The following SUGCT variants were observed in gnomAD, a reference collection of about 807,000 sequenced individuals.
The protein encoded by SUGCT is succinyl-CoA:glutarate-CoA transferase.
In SUGCT, 41 loss-of-function variants were observed where a neutral mutation model predicts 55.0. The observed-to-expected ratio is 0.74, with a 90% CI of 0.58 to 0.97. SUGCT has a LOEUF of 0.97. Ranked by LOEUF, SUGCT falls within the 50% of genes least tolerant of loss-of-function variation. The probability of loss-of-function intolerance (pLI) is 0.00; values close to 1 mark genes in which losing one functional copy is unlikely to be tolerated. For synonymous variants in SUGCT, 187 were observed against 200.4 expected (o/e 0.93, Z 0.56); for missense variants, 568 against 547.8 (o/e 1.04, Z -0.37).
intron 9 of SUGCT, among the ~76,000 whole-genome samples, chr7:40,424,786 A>G (rs1787499933): frequency 6.6e-6 from 1 of 152,140 alleles, no homozygotes; most frequent in South Asian, 2.1e-4. Flanking sequence ...CAGTTGTTCA[A>G]CTAAGCTACC....
At chr7:40,641,643 G>C (rs1335523031) in intron 12 of SUGCT, among the ~76,000 whole-genome samples, 1 of 152,152 alleles carries the variant, frequency 6.6e-6, no homozygotes, top group Non-Finnish European at 1.5e-5. Context: ...TCAATTATTT[G>C]AGCTAAGCTC....
intron 9 of SUGCT, among the ~76,000 whole-genome samples, chr7:40,357,894 A>G (rs1216093694): frequency 6.6e-6 from 1 of 152,188 alleles, no homozygotes; most frequent in Non-Finnish European, 1.5e-5. Context: ...GAATTTGGCC[A>G]GTATGGCGTT....
the SUGCT span, among the ~76,000 whole-genome samples, chr7:40,940,792 A>C: frequency 6.6e-6 from 1 of 151,866 alleles, no homozygotes; most frequent in Non-Finnish European, 1.5e-5. Context: ...GAATCTTTAG[A>C]GTTTTCTGGA....
At chr7:40,209,743 C>T (rs1161164426) in intron 6 of SUGCT, among the ~76,000 whole-genome samples, 1 of 152,114 alleles carries the variant, frequency 6.6e-6, no homozygotes, top group East Asian at 1.9e-4. Context: ...TTACAGTGAG[C>T]CGAGATCGTG....
intron 12 of SUGCT, among the ~76,000 whole-genome samples, chr7:40,517,407 A>C (rs1400062971): frequency 6.6e-6 from 1 of 152,046 alleles, no homozygotes; most frequent in Non-Finnish European, 1.5e-5. Context: ...GTGAGAGCAA[A>C]TATCCTTGTC....
intron 6 of SUGCT, among the ~76,000 whole-genome samples, chr7:40,207,397 A>C (rs1343433167): frequency 6.6e-6 from 1 of 152,288 alleles, no homozygotes; most frequent in East Asian, 1.9e-4. Context: ...GATGGATACT[A>C]TCAAAAAACC....
the SUGCT span, among the ~76,000 whole-genome samples, chr7:40,926,063 T>A: frequency 6.6e-6 from 1 of 151,942 alleles, no homozygotes; most frequent in Non-Finnish European, 1.5e-5. Flanking sequence ...ATCACGCCAC[T>A]GCACTCCAGC....
intron 6 of SUGCT, among the ~76,000 whole-genome samples, chr7:40,203,052 G>T (rs1786703130): frequency 6.6e-6 from 1 of 152,188 alleles, no homozygotes; most frequent in Non-Finnish European, 1.5e-5. Flanking sequence ...AATTCCCTTA[G>T]CTTGTATCAA....
At chr7:40,930,256 C>A in the SUGCT span, among the ~76,000 whole-genome samples, 1 of 152,070 alleles carries the variant, frequency 6.6e-6, no homozygotes, top group Non-Finnish European at 1.5e-5. Context: ...TTTCTGAGGC[C>A]TCTGTTCTGT....
chr7:40,316,954 TG>T (rs1256211642), intron 9 of SUGCT, 99 bp downstream of exon 9: 13 of 453,268 alleles, frequency 2.9e-5, no homozygotes, highest in East Asian at 7.2e-5. Flanking sequence ...ATCCTTCAGC[TG>T]TTTTTTTTTT....
chr7:40,608,611 T>A (rs17171747), intron 12 of SUGCT, among the ~76,000 whole-genome samples: 28,254 of 152,170 alleles, frequency 0.19, 2,884 homozygotes, highest in African/African-American at 0.26. Context: ...TTAGAAGTAT[T>A]TTCTCTAGCT....
chr7:40,792,443 C>G (rs1180629012), intron 13 of SUGCT, among the ~76,000 whole-genome samples: 1 of 152,052 alleles, frequency 6.6e-6, no homozygotes, highest in Non-Finnish European at 1.5e-5. Context: ...AAAACCATTC[C>G]TTTGATGAGA....
chr7:40,319,141 A>G (rs1795594425), intron 9 of SUGCT, among the ~76,000 whole-genome samples: 1 of 152,230 alleles, frequency 6.6e-6, no homozygotes, highest in African/African-American at 2.4e-5. Context: ...CATTCACATA[A>G]AATGGATAGT....
At chr7:40,660,671 G>T (rs181542577) in intron 12 of SUGCT, among the ~76,000 whole-genome samples, 7 of 152,066 alleles carry the variant, frequency 4.6e-5, no homozygotes, top group Non-Finnish European at 1.0e-4. Context: ...TCATTCAGGC[G>T]GGCATACCTT....
intron 8 of SUGCT, among the ~76,000 whole-genome samples, chr7:40,294,094 C>T (rs573188492): frequency 1.3e-4 from 19 of 151,956 alleles, no homozygotes; most frequent in African/African-American, 3.6e-4. Context: ...ATTACAGGCA[C>T]GCACTATGGC....
chr7:40,957,730 G>C, the SUGCT span, among the ~76,000 whole-genome samples: 1 of 151,956 alleles, frequency 6.6e-6, no homozygotes, highest in East Asian at 1.9e-4. Flanking sequence ...TATTTTGCCT[G>C]TTAGTTGATG....
chr7:40,505,541 A>G (rs936177557), intron 12 of SUGCT, among the ~76,000 whole-genome samples: 1 of 151,974 alleles, frequency 6.6e-6, no homozygotes, highest in Admixed American at 6.6e-5. Context: ...TTATTGTTTT[A>G]TCTAAGCCTT....
chr7:40,746,946 A>G (rs1371562911), intron 12 of SUGCT, among the ~76,000 whole-genome samples: 3 of 152,204 alleles, frequency 2.0e-5, no homozygotes, highest in Non-Finnish European at 4.4e-5. Context: ...CAGTGTGCAG[A>G]TAATTGTTTT....
chr7:40,592,643 G>A (rs181764513), intron 12 of SUGCT, among the ~76,000 whole-genome samples: 12 of 152,164 alleles, frequency 7.9e-5, no homozygotes, highest in Non-Finnish European at 1.6e-4. Context: ...TTTCTGATTT[G>A]TTTTTAGATT....
Sources: gnomAD v4.1 joint callset for allele counts (sites outside exome capture counted in the v4.1 genomes callset) on GRCh38, gnomAD v4.1.1 for gene constraint, MANE v1.5 for transcripts, NCBI Gene and HGNC (gene_info 2026-07-23, HGNC 2026-07-21) for gene names.